Variants in UBE2W observed in about 807,000 individuals in gnomAD.
UBE2W encodes ubiquitin conjugating enzyme E2 W, also known as ubiquitin-conjugating enzyme E2 W.
Under a neutral mutation model 27.2 loss-of-function variants are expected in UBE2W, and 18 were observed. The observed-to-expected ratio is 0.66, with a 90% CI of 0.46 to 0.98. UBE2W has a LOEUF of 0.98. UBE2W is among the 50% of genes least tolerant of loss of function. UBE2W has a pLI of 0.00. For missense variants in UBE2W, 90 were observed against 180.2 expected, an observed-to-expected ratio of 0.50 and a Z score of 2.87; for synonymous variants, 53 against 57.2, an observed-to-expected ratio of 0.93 and a Z score of 0.33.
Position 73,793,056 on chromosome 8 carries a change from A to C in UBE2W, c.*1046T>G, listed in dbSNP as rs961567130. Reference sequence around the variant, plus strand: ...CAAGTAAAGAAAATTTACAAGAAAAAACTTAACAAAAGTTTCAATAAAAGT... The same window carrying C: ...CAAGTAAAGAAAATTTACAAGAAAACACTTAACAAAAGTTTCAATAAAAGT... On this transcript the variant is annotated 3_prime_UTR_variant, in exon 6 of 6. Coordinates refer to ENST00000602593, the MANE Select transcript of UBE2W (RefSeq NM_018299.6). 1 of 985,470 alleles carries C rather than the reference A, an allele frequency of 1.0e-6. No individual in the cohort carries two copies. The highest frequency in any genetic ancestry group is 1.2e-6 in the Non-Finnish European group (1 of 829,678). The allele number at this position is 985,470 out of a possible 1,614,324, so 61.0% of individuals were successfully genotyped here. A position where few individuals can be genotyped will look rare whatever the true frequency, so the allele number is the denominator to read the frequency against.
intron 5 of UBE2W, chr8:73,796,663 G>A (rs1218151969): frequency 1.0e-6 from 1 of 984,880 alleles, no homozygotes; most frequent in South Asian, 4.7e-5. Context: ...GATCAACAGG[G>A]ACTTGCGGGA....
rs1046777750 is a variant in UBE2W, at chr8:73,791,864, T to C, written c.*2238A>G. 6 of 984,586 alleles carry C rather than the reference T, an allele frequency of 6.1e-6. No homozygotes were observed. The highest frequency in any genetic ancestry group is 7.2e-6 in the Non-Finnish European group (6 of 829,272). 61.0% of individuals were successfully genotyped at this position (984,586 alleles called of 1,614,324 possible). A position where few individuals can be genotyped will look rare whatever the true frequency, so the allele number is the denominator to read the frequency against. Reference sequence around the variant, plus strand: ...TTTAGTTTACTTTATGGTATTTATATGTAGAGAGAGAGGTATGTTAAAATA... The same window carrying C: ...TTTAGTTTACTTTATGGTATTTATACGTAGAGAGAGAGGTATGTTAAAATA... On this transcript the variant is annotated 3_prime_UTR_variant, in exon 6 of 6. Coordinates refer to ENST00000602593, the MANE Select transcript of UBE2W (RefSeq NM_018299.6).
chr8:73,825,589 G>A (rs999588091), intron 2 of UBE2W, among the ~76,000 whole-genome samples: 4 of 152,158 alleles, frequency 2.6e-5, no homozygotes, highest in Non-Finnish European at 5.9e-5. Context: ...AGATCACGAG[G>A]TCAGGAGTTT....
intron 1 of UBE2W, chr8:73,870,125 G>C: frequency 1.2e-6 from 1 of 843,568 alleles, no homozygotes; most frequent in Non-Finnish European, 1.9e-6. Flanking sequence ...ACTTTAAAAG[G>C]GTAAGTTTTA....
chr8:73,812,876 G>A (rs984262191), intron 3 of UBE2W, among the ~76,000 whole-genome samples: 16 of 151,606 alleles, frequency 1.1e-4, no homozygotes, highest in African/African-American at 3.2e-4. Flanking sequence ...GCGGTGGCAC[G>A]TGCCTGTCAT....
At chr8:73,824,559 C>T (rs1298077649) in intron 3 of UBE2W, among the ~76,000 whole-genome samples, 1 of 152,154 alleles carries the variant, frequency 6.6e-6, no homozygotes, top group Non-Finnish European at 1.5e-5. Context: ...GCAGTGGTCC[C>T]CAATCTTTTT....
At chr8:73,874,380 C>T (rs11774020) in intron 1 of UBE2W, among the ~76,000 whole-genome samples, 2 of 152,080 alleles carry the variant, frequency 1.3e-5, no homozygotes, top group East Asian at 1.9e-4. Flanking sequence ...TGCAGTGAGC[C>T]GAGATCGCAC....
intron 1 of UBE2W, among the ~76,000 whole-genome samples, chr8:73,845,251 G>A (rs1810742616): frequency 6.6e-6 from 1 of 152,236 alleles, no homozygotes; most frequent in African/African-American, 2.4e-5. Flanking sequence ...GATGACGATG[G>A]CGGTTTTGTC....
intron 4 of UBE2W, 40 bp downstream of exon 4, chr8:73,810,434 A>G: frequency 6.4e-7 from 1 of 1,557,826 alleles, no homozygotes; most frequent in Non-Finnish European, 8.7e-7. Flanking sequence ...ACCTAACTGA[A>G]AGAAGAGATA....
intron 3 of UBE2W, among the ~76,000 whole-genome samples, chr8:73,812,052 A>T (rs930126272): frequency 1.3e-5 from 2 of 151,950 alleles, no homozygotes; most frequent in Admixed American, 1.3e-4. Context: ...ATATGAGTAG[A>T]GTCTTCTAAT....
At chr8:73,825,456 G>T (rs1165803603) in intron 2 of UBE2W, among the ~76,000 whole-genome samples, 1 of 152,158 alleles carries the variant, frequency 6.6e-6, no homozygotes, top group Non-Finnish European at 1.5e-5. Context: ...GAAATAACCA[G>T]ATCAAGGTCA....
intron 1 of UBE2W, among the ~76,000 whole-genome samples, chr8:73,842,570 G>A (rs368819037): frequency 8.5e-5 from 12 of 141,230 alleles, no homozygotes; most frequent in African/African-American, 1.6e-4. Flanking sequence ...TGACGTGGAC[G>A]TGAGTACTGA....
chr8:73,785,654 T>A (rs1807931401), downstream of UBE2W, among the ~76,000 whole-genome samples: 4 of 152,076 alleles, frequency 2.6e-5, no homozygotes, highest in South Asian at 8.3e-4. Context: ...TGCAATGGCA[T>A]GATCTTAGTT....
rs71269958 is a variant in UBE2W at position 73,866,290 on chromosome 8, A to AATATATAT, written c.15+12510_15+12517dup. Among the ~76,000 whole-genome samples the AATATATAT allele has an allele frequency of 2.3e-3, 99 of 43,082 alleles. 1 individual carries two copies. Among genetic ancestry groups the AATATATAT allele is most frequent in the East Asian group, 3.6e-3 (6 of 1,672 alleles). 28.3% of individuals were successfully genotyped at this position (43,082 alleles called of 152,430 possible). On this transcript the variant is annotated intron_variant, in intron 1 of 5. Coordinates refer to ENST00000602593, the MANE Select transcript of UBE2W (RefSeq NM_018299.6). ...GTCTAAAAAAAAAAAAAAAAAAAAA[A>AATATATAT]ATATATATATATATATATATATATA...
intron 4 of UBE2W, 123 bp downstream of exon 4, chr8:73,810,351 C>T (rs1809103013): frequency 1.0e-6 from 1 of 967,712 alleles, no homozygotes; most frequent in Non-Finnish European, 1.4e-6. Flanking sequence ...CATGAAATTC[C>T]CTATAATTTT....
chr8:73,788,080 A>G lies in UBE2W; in HGVS notation c.*6022T>C. ...AAATACTTTTACGTCATAAACCAAA[A>G]AGAGGTCTGGTATCTATCCCATTTA... On this transcript the variant is annotated 3_prime_UTR_variant, in exon 6 of 6. Coordinates refer to ENST00000602593, the MANE Select transcript of UBE2W (RefSeq NM_018299.6). 1.0e-6 allele frequency: 1 copy of G among 984,842 alleles called. No individual in the cohort carries two copies. Among genetic ancestry groups the G allele is most frequent in the South Asian group, 4.7e-5 (1 of 21,270 alleles). The allele number at this position is 984,842 out of a possible 1,614,324, so 61.0% of individuals were successfully genotyped here. A position where few individuals can be genotyped will look rare whatever the true frequency, so the allele number is the denominator to read the frequency against.
In UBE2W at chr8:73,790,192, A is replaced by G. The variant is rs200176993; in HGVS notation, c.*3910T>C. On this transcript the variant is annotated 3_prime_UTR_variant, in exon 6 of 6. Transcript: ENST00000602593. ...AGAATCCCTAACCTCAGAAAAAAAA[A>G]AGAGAGAATAAATTAGAAGTGAGAA... is the stretch of plus-strand genomic sequence containing the variant. 26 of 985,074 alleles carry G rather than the reference A, an allele frequency of 2.6e-5. No individual in the cohort carries two copies. In the East Asian group the frequency reaches 2.4e-3, roughly 90 times the overall value. 61.0% of individuals were successfully genotyped at this position (985,074 alleles called of 1,614,324 possible).
chr8:73,877,779 C>G (rs1812294215), intron 1 of UBE2W, among the ~76,000 whole-genome samples: 1 of 152,174 alleles, frequency 6.6e-6, no homozygotes, highest in South Asian at 2.1e-4. Context: ...GAATTAAATG[C>G]AGGCTACAGA....
chr8:73,795,449 C>G (rs1173852444), intron 5 of UBE2W, among the ~76,000 whole-genome samples: 5 of 152,164 alleles, frequency 3.3e-5, no homozygotes, highest in Non-Finnish European at 7.3e-5. Flanking sequence ...TGAGGCCTCA[C>G]CAGAAGCAAA....
Sources: gnomAD v4.1 joint callset for allele counts (sites outside exome capture counted in the v4.1 genomes callset) on GRCh38, gnomAD v4.1.1 for gene constraint, MANE v1.5 for transcripts, NCBI Gene and HGNC (gene_info 2026-07-23, HGNC 2026-07-21) for gene names.